FOXP1: variants seen among roughly 807,000 people sequenced by gnomAD.
FOXP1 encodes the protein forkhead box P1, also known as forkhead box protein P1.
Under a neutral mutation model 98.2 loss-of-function variants are expected in FOXP1, and 15 were observed. That is an observed-to-expected ratio of 0.15 (90% CI 0.10 to 0.24). The LOEUF is 0.24. Among genes scored for constraint, FOXP1 ranks in the 10% least tolerant of loss-of-function variants. The probability of loss-of-function intolerance (pLI) is 1.00; values close to 1 mark genes in which losing one functional copy is unlikely to be tolerated. For synonymous variants in FOXP1, 371 were observed against 314.5 expected (o/e 1.18, Z -1.90); for missense variants, 633 against 848.5 (o/e 0.75, Z 3.15).
chr3:71,111,439 C>G (rs936149863), intron 7 of FOXP1, among the ~76,000 whole-genome samples: 5 of 152,096 alleles, frequency 3.3e-5, no homozygotes, highest in African/African-American at 1.2e-4. Flanking sequence ...CTCTTGTCGC[C>G]CAGGCTGGAG....
At chr3:71,575,972 G>A (rs755131500) in intron 2 of FOXP1, among the ~76,000 whole-genome samples, 10 of 152,228 alleles carry the variant, frequency 6.6e-5, no homozygotes, top group Non-Finnish European at 1.3e-4. Flanking sequence ...CTGGTAAAAT[G>A]TGGATGTCCA....
chr3:71,392,248 G>C (rs1268359892), intron 3 of FOXP1, among the ~76,000 whole-genome samples: 4 of 152,134 alleles, frequency 2.6e-5, no homozygotes, highest in African/African-American at 9.7e-5. Flanking sequence ...ACTCAGCAAA[G>C]TGTTTTATTA....
At chr3:71,560,950 A>G (rs1361828040) in intron 2 of FOXP1, among the ~76,000 whole-genome samples, 1 of 152,220 alleles carries the variant, frequency 6.6e-6, no homozygotes, top group Non-Finnish European at 1.5e-5. Flanking sequence ...GGTAATCATC[A>G]GCTAAAGGGT....
At chr3:71,395,621 G>C (rs566827484) in intron 3 of FOXP1, among the ~76,000 whole-genome samples, 1 of 151,930 alleles carries the variant, frequency 6.6e-6, no homozygotes, top group Non-Finnish European at 1.5e-5. Flanking sequence ...GTTCTTTGTT[G>C]TTTGTTTAGT....
intron 6 of FOXP1, among the ~76,000 whole-genome samples, chr3:71,184,819 A>T (rs1201601478): frequency 6.6e-6 from 1 of 152,182 alleles, no homozygotes; most frequent in East Asian, 1.9e-4. Context: ...ACACATACAA[A>T]CACACTTTTC....
At position 71,044,679 on chromosome 3, in the gene FOXP1, C is replaced by T. The variant is rs867171903; in HGVS notation, c.664+2263G>A. ...CATTACCAGTATTTTTAACAGATAA[C>T]CCCCAAGTCTTGCAACATTTCTTTT... On this transcript the variant is annotated intron_variant, in intron 10 of 20. Coordinates refer to ENST00000649528, the MANE Select transcript of FOXP1 (RefSeq NM_001349338.3). Among the ~76,000 whole-genome samples the T allele has an allele frequency of 6.6e-5, 10 of 152,270 alleles. No individual in the cohort carries two copies. In the Middle Eastern group the frequency reaches 0.01, roughly 158 times the overall value.
At chr3:71,284,336 G>C (rs1387910297) in intron 5 of FOXP1, among the ~76,000 whole-genome samples, 1 of 152,102 alleles carries the variant, frequency 6.6e-6, no homozygotes, top group African/African-American at 2.4e-5. Context: ...AGGCCAAGAC[G>C]GGCAGATCAC....
At chr3:71,005,501 A>T (rs185196681) in intron 12 of FOXP1, among the ~76,000 whole-genome samples, 1 of 152,018 alleles carries the variant, frequency 6.6e-6, no homozygotes, top group East Asian at 1.9e-4. Flanking sequence ...GAGGATTAAT[A>T]TATTATTTGG....
intron 3 of FOXP1, among the ~76,000 whole-genome samples, chr3:71,437,631 A>T (rs1285818143): frequency 6.6e-6 from 1 of 152,010 alleles, no homozygotes; most frequent in Non-Finnish European, 1.5e-5. Context: ...TATCACAGAC[A>T]CTCAGCAATG....
chr3:71,560,009 G>C (rs757091696), intron 2 of FOXP1, among the ~76,000 whole-genome samples: 1 of 152,140 alleles, frequency 6.6e-6, no homozygotes, highest in African/African-American at 2.4e-5. Context: ...AAAGAGAAAT[G>C]AGAGAGCTAA....
chr3:71,135,825 G>GGCA (rs1288767658), intron 6 of FOXP1, among the ~76,000 whole-genome samples: 1 of 152,106 alleles, frequency 6.6e-6, no homozygotes, highest in Non-Finnish European at 1.5e-5. Context: ...GCTCCAAAAC[G>GGCA]GCAGCGACCC....
At chr3:71,049,925 A>G (rs776040035) in intron 9 of FOXP1, among the ~76,000 whole-genome samples, 1 of 152,142 alleles carries the variant, frequency 6.6e-6, no homozygotes, top group Non-Finnish European at 1.5e-5. Context: ...GGCACCATGA[A>G]TCCAAGGAGA....
intron 3 of FOXP1, among the ~76,000 whole-genome samples, chr3:71,438,803 T>C (rs1055222959): frequency 6.6e-6 from 1 of 151,572 alleles, no homozygotes; most frequent in Non-Finnish European, 1.5e-5. Context: ...TTTTTTGCTC[T>C]CCTGTTTTCT....
chr3:71,211,267 C>T (rs773477363), intron 5 of FOXP1, among the ~76,000 whole-genome samples: 6 of 152,038 alleles, frequency 3.9e-5, no homozygotes, highest in East Asian at 1.9e-4. Context: ...AGTGCAGTGG[C>T]GCAATCTTGG....
chr3:71,540,486 G>T (rs1369540404), intron 2 of FOXP1, among the ~76,000 whole-genome samples: 2 of 152,210 alleles, frequency 1.3e-5, no homozygotes, highest in Non-Finnish European at 2.9e-5. Flanking sequence ...TTCCTTTGTT[G>T]TCAAGGGTAA....
In FOXP1 at chr3:71,174,826, A is replaced by ACACACC. The variant is rs1050762895; in HGVS notation, c.180+23375_180+23376insGGTGTG. ...CACACACACACACACACACACACAC[A>ACACACC]CCCCAATATACCCCAGGGTAGGAAG... On this transcript the variant is annotated intron_variant, in intron 6 of 20. Coordinates refer to ENST00000649528, the MANE Select transcript of FOXP1 (RefSeq NM_001349338.3). 7.6e-3 allele frequency among the ~76,000 whole-genome samples: 1,114 copies of ACACACC among 147,230 alleles called. 14 individuals carry two copies. The highest frequency in any genetic ancestry group is 0.022 in the African/African-American group (867 of 39,154).
At position 70,955,570 on chromosome 3, in the gene FOXP1, GT is replaced by G. The variant is rs35502550; in HGVS notation, c.*3676del. The G allele has an allele frequency of 0.022, 4,621 of 214,288 alleles. 103 individuals carry two copies. Among genetic ancestry groups the G allele is most frequent in the African/African-American group, 0.071 (3,103 of 43,526 alleles). The allele number at this position is 214,288 out of a possible 1,614,324, so 13.3% of individuals were successfully genotyped here. ...TCTTTACATCTTGGCACCTTGTAAA[GT>G]TTTTTTTTTTTTATACAAAAGTTCA... is the stretch of plus-strand genomic sequence containing the variant. On this transcript the variant is annotated 3_prime_UTR_variant, in exon 21 of 21. Coordinates refer to ENST00000649528, the MANE Select transcript of FOXP1 (RefSeq NM_001349338.3).
intron 5 of FOXP1, among the ~76,000 whole-genome samples, chr3:71,200,546 G>A (rs2063609161): frequency 6.6e-6 from 1 of 152,180 alleles, no homozygotes; most frequent in African/African-American, 2.4e-5. Context: ...CACACTCCAA[G>A]TTCACAGACC....
chr3:71,549,576 T>C (rs2045614106), intron 2 of FOXP1, among the ~76,000 whole-genome samples: 1 of 152,210 alleles, frequency 6.6e-6, no homozygotes, highest in African/African-American at 2.4e-5. Context: ...GATTTCACCA[T>C]GTTGCACAGG....
Sources: allele counts gnomAD v4.1 joint callset (sites outside exome capture counted in the v4.1 genomes callset), GRCh38; gene constraint gnomAD v4.1.1; transcripts MANE v1.5; gene names NCBI Gene and HGNC (gene_info 2026-07-23, HGNC 2026-07-21).